The following PIP5K1C variants were observed in gnomAD, a reference collection of about 807,000 sequenced individuals.
PIP5K1C encodes phosphatidylinositol 4-phosphate 5-kinase type-1 gamma.
Under a neutral mutation model 80.1 loss-of-function variants are expected in PIP5K1C, and 45 were observed. The observed-to-expected ratio is 0.56, with a 90% confidence interval of 0.44 to 0.72. PIP5K1C has a LOEUF of 0.72. Among genes scored for constraint, PIP5K1C ranks in the 30% least tolerant of loss-of-function variants. The pLI, the probability that PIP5K1C is intolerant of heterozygous loss-of-function variation, is 0.00. For missense variants in PIP5K1C, 753 were observed against 954.6 expected, an observed-to-expected ratio of 0.79 and a Z score of 2.78; for synonymous variants, 498 against 420.1, an observed-to-expected ratio of 1.19 and a Z score of -2.27.
At chr19:3,678,099 G>T (rs2035441737) in intron 1 of PIP5K1C, among the ~76,000 whole-genome samples, 1 of 136,254 alleles carries the variant, frequency 7.3e-6, no homozygotes, top group African/African-American at 2.8e-5. Context: ...GGAGGAGGGA[G>T]GGAGAATGGA....
intron 2 of PIP5K1C, among the ~76,000 whole-genome samples, chr19:3,665,928 G>GC (rs2145502612): frequency 6.6e-6 from 1 of 152,246 alleles, no homozygotes; most frequent in South Asian, 2.1e-4. Flanking sequence ...ACCGCTATCA[G>GC]CCCCAGGGAC....
chr19:3,648,855 G>T lies in PIP5K1C; in HGVS notation c.1128-147C>A. 2 of 673,564 alleles carry T rather than the reference G, an allele frequency of 3.0e-6. No individual in the cohort carries two copies. The allele number at this position is 673,564 out of a possible 1,614,324, so 41.7% of individuals were successfully genotyped here. ...TCTCGGAGTGGGGCCTGGCACCCGG[G>T]AACCTCTGTCCTGACATCCCTCCAT... On this transcript the variant is annotated intron_variant, in intron 8 of 17. Transcript: ENST00000335312. The surrounding 1 kb of genome is among the most constrained non-coding windows in gnomAD (Gnocchi z 4.3).
Position 3,641,766 on chromosome 19 carries a change from T to A in PIP5K1C, c.1726A>T (p.Thr576Ser), listed in dbSNP as rs1313827295. Residue 576 changes from threonine to serine, a missense_variant, in exon 15 of 18, where the codon ACA (threonine) becomes TCA (serine). Coordinates refer to ENST00000335312, the MANE Select transcript of PIP5K1C (RefSeq NM_012398.3). ...PPAEEDLQQITVQVEPACSVE... is the reference protein window; with the variant it reads ...PPAEEDLQQISVQVEPACSVE... ...CTGCACGCAGGCTCCACCTGCACTGTAATCTGCTGCAGATCCTCTTCCGCG... is the reference window on the plus strand; with the variant it reads ...CTGCACGCAGGCTCCACCTGCACTGAAATCTGCTGCAGATCCTCTTCCGCG... 6.2e-7 allele frequency: 1 copy of A among 1,612,018 alleles called. No homozygotes were observed. The highest frequency in any genetic ancestry group is 8.5e-7 in the Non-Finnish European group (1 of 1,179,994).
intron 1 of PIP5K1C, among the ~76,000 whole-genome samples, chr19:3,686,922 G>A (rs2035779153): frequency 6.6e-6 from 1 of 152,050 alleles, no homozygotes; most frequent in Non-Finnish European, 1.5e-5. Flanking sequence ...GCCAGGTGCA[G>A]TGGCTCACAC....
chr19:3,695,729 C>CTTTT (rs35334182), intron 1 of PIP5K1C, among the ~76,000 whole-genome samples: 1 of 130,990 alleles, frequency 7.6e-6, no homozygotes, highest in Non-Finnish European at 1.6e-5. Flanking sequence ...CCCACTGACC[C>CTTTT]TTTTTTTTTT....
At chr19:3,682,026 C>A (rs928267542) in intron 1 of PIP5K1C, among the ~76,000 whole-genome samples, 1 of 152,104 alleles carries the variant, frequency 6.6e-6, no homozygotes, top group Non-Finnish European at 1.5e-5. Flanking sequence ...CCCGTCACCA[C>A]CCCCACCAAT....
At chr19:3,669,555 A>C (rs1004644964) in intron 1 of PIP5K1C, 1 of 152,262 alleles carries the variant, frequency 6.6e-6, no homozygotes, top group African/African-American at 2.4e-5. Flanking sequence ...AGGCCTTACA[A>C]AGCCAGCAAA....
At position 3,667,535 on chromosome 19, in the gene PIP5K1C, G is replaced by C. The variant is rs56831243; in HGVS notation, c.95-182C>G. Among the ~76,000 whole-genome samples the C allele has an allele frequency of 0.2, 29,772 of 152,224 alleles. 3,166 individuals are homozygous for C. The highest frequency in any genetic ancestry group is 0.26 in the African/African-American group (10,886 of 41,528). ...AGTGCGCTGGGAGGATGTGATGAGG[G>C]TGGGGGCCACTGGGGCCTGCCATGG... On this transcript the variant is annotated intron_variant, in intron 1 of 17. Transcript: ENST00000335312.
Position 3,662,060 on chromosome 19 carries a change from CT to C in PIP5K1C, c.220-60del, listed in dbSNP as rs1021882998. 2.3e-5 allele frequency: 35 copies of C among 1,530,106 alleles called. No individual in the cohort carries two copies. In the African/African-American group the frequency reaches 2.5e-4, roughly 11 times the overall value. 94.8% of individuals were successfully genotyped at this position (1,530,106 alleles called of 1,614,324 possible). On this transcript the variant is annotated intron_variant, in intron 3 of 17. Coordinates refer to ENST00000335312, the MANE Select transcript of PIP5K1C (RefSeq NM_012398.3). ...TGCTCCCCACGCTGCCCTGCACCCC[CT>C]GTGTGCACCGGGGGGTGGAGATCGT...
At position 3,656,511 on chromosome 19, in the gene PIP5K1C, G is replaced by A; in HGVS notation, c.515C>T (p.Ala172Val). 6.2e-7 allele frequency: 1 copy of A among 1,613,880 alleles called. No individual in the cohort carries two copies. Among genetic ancestry groups the A allele is most frequent in the Non-Finnish European group, 8.5e-7 (1 of 1,180,032 alleles). ...GGTGACGTAGAAGAGGGAGCCACTG[G>A]CGCCCGGGTTGGACAGCTCGATCAG... ...EPLIELSNPG[A>V]SGSLFYVTSD... The change falls in exon 6 of 18, where the codon GCC becomes GTC. Residue 172 changes from alanine to valine, a missense_variant. Ala to Val is a moderately conservative substitution (Grantham distance 64, BLOSUM62 0). Coordinates refer to ENST00000335312, the MANE Select transcript of PIP5K1C (RefSeq NM_012398.3).
rs200000733 is a variant in PIP5K1C at position 3,675,020 on chromosome 19, A to G, written c.95-7667T>C. 1.9e-4 allele frequency among the ~76,000 whole-genome samples: 29 copies of G among 152,238 alleles called. 1 individual carries two copies. In the East Asian group the frequency reaches 4.6e-3, roughly 24 times the overall value. ...AAGAGGCCATGCAGTGTGTGACCCC[A>G]TTTCTATGAAATGTCCAGGACAGGC... On this transcript the variant is annotated intron_variant, in intron 1 of 17. Transcript: ENST00000335312.
chr19:3,654,827 A>G (rs1327529340), intron 6 of PIP5K1C, among the ~76,000 whole-genome samples: 1 of 150,334 alleles, frequency 6.7e-6, no homozygotes, highest in African/African-American at 2.5e-5. Context: ...AGAAAAAAAA[A>G]AAAAAAGGCC....
chr19:3,642,364 G>A (rs1192539358), intron 14 of PIP5K1C, among the ~76,000 whole-genome samples: 1 of 152,256 alleles, frequency 6.6e-6, no homozygotes, highest in Non-Finnish European at 1.5e-5. Context: ...AAAGCCAGGT[G>A]CAGTCCATGG....
chr19:3,635,141 C>T (rs1265180352), intron 16 of PIP5K1C, among the ~76,000 whole-genome samples: 2 of 152,240 alleles, frequency 1.3e-5, no homozygotes, highest in African/African-American at 2.4e-5. Flanking sequence ...AGAACTGGCC[C>T]GCAGGGAGGA....
At chr19:3,679,043 T>C (rs1053455657) in intron 1 of PIP5K1C, among the ~76,000 whole-genome samples, 4 of 151,956 alleles carry the variant, frequency 2.6e-5, no homozygotes, top group African/African-American at 7.3e-5. Context: ...AACTGCCAAT[T>C]GCAAGACCCA....
At chr19:3,633,806 C>T (rs567210028) in intron 16 of PIP5K1C, among the ~76,000 whole-genome samples, 37 of 152,126 alleles carry the variant, frequency 2.4e-4, no homozygotes, top group African/African-American at 7.7e-4. Context: ...ACAGAGCCGG[C>T]GGAAGCGGGT....
intron 11 of PIP5K1C, 70 bp downstream of exon 11, chr19:3,645,904 C>A (rs1163295337): frequency 2.6e-5 from 32 of 1,211,666 alleles, no homozygotes; most frequent in Non-Finnish European, 2.6e-5. Flanking sequence ...CCCGCAGAGT[C>A]CCTCCTGCCC....
intron 8 of PIP5K1C, among the ~76,000 whole-genome samples, chr19:3,651,061 T>TTC (rs1555719934): frequency 6.7e-6 from 1 of 149,916 alleles, no homozygotes; most frequent in Non-Finnish European, 1.5e-5. Context: ...CAGCGTTTTT[T>TTC]TTTTTTTTTT....
chr19:3,665,368 C>T (rs369063488), intron 2 of PIP5K1C, among the ~76,000 whole-genome samples: 5 of 152,298 alleles, frequency 3.3e-5, no homozygotes, highest in African/African-American at 1.2e-4. Context: ...GATGTCCCCA[C>T]ACAACTCTGC....
Sources: allele counts gnomAD v4.1 joint callset (sites outside exome capture counted in the v4.1 genomes callset), GRCh38; gene constraint gnomAD v4.1.1; non-coding constraint Gnocchi (gnomAD v3.1); transcripts MANE v1.5; gene names NCBI Gene and HGNC (gene_info 2026-07-23, HGNC 2026-07-21).